EPHB1: variants seen among roughly 807,000 people sequenced by gnomAD.
EPHB1 encodes ephrin type-B receptor 1.
A neutral mutation model predicts 94.4 loss-of-function variants in EPHB1; 30 were observed. The ratio of observed to expected loss-of-function variants is 0.32; its 90% CI spans 0.24 to 0.43. The LOEUF is 0.43. Ranked by LOEUF, EPHB1 falls within the 20% of genes least tolerant of loss-of-function variation. The probability of loss-of-function intolerance (pLI) is 1.00; values close to 1 mark genes in which losing one functional copy is unlikely to be tolerated. For missense variants in EPHB1, 1,055 were observed against 1,308.3 expected, an observed-to-expected ratio of 0.81 and a Z score of 2.99; for synonymous variants, 522 against 489.1, an observed-to-expected ratio of 1.07 and a Z score of -0.89.
chr3:135,069,801 C>T (rs1374588220), intron 3 of EPHB1, among the ~76,000 whole-genome samples: 1 of 151,886 alleles, frequency 6.6e-6, no homozygotes, highest in Non-Finnish European at 1.5e-5. Flanking sequence ...TTGATGATCA[C>T]TTGAGTCCCA....
intron 3 of EPHB1, among the ~76,000 whole-genome samples, chr3:135,006,023 C>G (rs1935397213): frequency 6.6e-6 from 1 of 152,250 alleles, no homozygotes; most frequent in South Asian, 2.1e-4. Context: ...ATTTCTCCTG[C>G]TCACTCTTCT....
intron 1 of EPHB1, among the ~76,000 whole-genome samples, chr3:134,844,229 A>G (rs1273183452): frequency 6.6e-6 from 1 of 152,200 alleles, no homozygotes; most frequent in Non-Finnish European, 1.5e-5. Flanking sequence ...ATGATTAGAC[A>G]GAGGTTGTGT....
intron 9 of EPHB1, among the ~76,000 whole-genome samples, chr3:135,168,734 A>C (rs1941724391): frequency 6.6e-6 from 1 of 152,050 alleles, no homozygotes; most frequent in African/African-American, 2.4e-5. Flanking sequence ...CTTTTTCATC[A>C]TGAGCCACTG....
chr3:134,820,095 TA>T (rs1246238696), intron 1 of EPHB1, among the ~76,000 whole-genome samples: 1 of 151,380 alleles, frequency 6.6e-6, no homozygotes, highest in Admixed American at 6.6e-5. Context: ...CCCATACTAG[TA>T]GACCCTGTTG....
intron 1 of EPHB1, among the ~76,000 whole-genome samples, chr3:134,921,234 A>T (rs1578198735): frequency 6.6e-6 from 1 of 151,368 alleles, no homozygotes. Flanking sequence ...TGCCCCTCCC[A>T]CTGTTGCTTT....
chr3:135,114,722 C>CAGAT (rs1180111188), intron 4 of EPHB1, among the ~76,000 whole-genome samples: 871 of 63,204 alleles, frequency 0.014, 11 homozygotes, highest in African/African-American at 0.032. Context: ...GACTCTGTCT[C>CAGAT]AGATAGATAA....
chr3:135,017,326 T>G (rs532712252), intron 3 of EPHB1, among the ~76,000 whole-genome samples: 4 of 152,274 alleles, frequency 2.6e-5, no homozygotes, highest in Admixed American at 6.5e-5. Context: ...AAAAGAGAGA[T>G]TTTCCCAGAG....
chr3:134,926,604 A>G (rs2038796476), intron 2 of EPHB1, among the ~76,000 whole-genome samples: 1 of 152,170 alleles, frequency 6.6e-6, no homozygotes, highest in Admixed American at 6.5e-5. Context: ...AAGAGGGAAG[A>G]GTCTGTGTGT....
intron 2 of EPHB1, 138 bp downstream of exon 2, chr3:134,926,018 C>A (rs2038784955): frequency 1.4e-6 from 1 of 699,296 alleles, no homozygotes; most frequent in Non-Finnish European, 2.3e-6. Context: ...CACTGCCCAT[C>A]CATGCAAAGA....
At chr3:134,855,236 A>G (rs1326298181) in intron 1 of EPHB1, among the ~76,000 whole-genome samples, 1 of 152,264 alleles carries the variant, frequency 6.6e-6, no homozygotes, top group East Asian at 1.9e-4. Context: ...AAGATTTAAG[A>G]CAGAGACTTC....
At chr3:134,868,872 G>T (rs1180300153) in intron 1 of EPHB1, among the ~76,000 whole-genome samples, 1 of 152,248 alleles carries the variant, frequency 6.6e-6, no homozygotes, top group Non-Finnish European at 1.5e-5. Flanking sequence ...AGTGGGCCTT[G>T]CTGTCGTGCT....
intron 1 of EPHB1, among the ~76,000 whole-genome samples, chr3:134,880,111 G>C (rs1421298745): frequency 6.6e-6 from 1 of 152,136 alleles, no homozygotes; most frequent in Admixed American, 6.5e-5. Flanking sequence ...GAACCCTCTG[G>C]GAAGAAGCAC....
chr3:134,980,574 C>G (rs555624555), intron 3 of EPHB1, among the ~76,000 whole-genome samples: 1 of 152,264 alleles, frequency 6.6e-6, no homozygotes, highest in Non-Finnish European at 1.5e-5. Context: ...AGTAAACGAG[C>G]AAGATAATCT....
intron 1 of EPHB1, among the ~76,000 whole-genome samples, chr3:134,862,509 A>G (rs1304004578): frequency 6.6e-6 from 1 of 152,026 alleles, no homozygotes; most frequent in East Asian, 1.9e-4. Context: ...CAAAAAAAAA[A>G]AAAAGAAAAA....
At chr3:135,219,001 G>A (rs1227317304) in intron 12 of EPHB1, among the ~76,000 whole-genome samples, 3 of 152,202 alleles carry the variant, frequency 2.0e-5, no homozygotes, top group Admixed American at 6.5e-5. Flanking sequence ...AGGACAGAGT[G>A]TGGAGGAGAG....
At chr3:135,029,344 T>C (rs1936326029) in intron 3 of EPHB1, among the ~76,000 whole-genome samples, 2 of 152,138 alleles carry the variant, frequency 1.3e-5, no homozygotes, top group South Asian at 4.2e-4. Flanking sequence ...TTTGGCATGA[T>C]TTTGCAGCAG....
At chr3:134,988,235 C>T (rs1048810091) in intron 3 of EPHB1, among the ~76,000 whole-genome samples, 8 of 152,144 alleles carry the variant, frequency 5.3e-5, no homozygotes, top group African/African-American at 1.9e-4. Context: ...ACTGCCAGGC[C>T]AGAGGGGCTG....
At chr3:134,891,341 C>CTTG (rs1484029062) in intron 1 of EPHB1, among the ~76,000 whole-genome samples, 1 of 152,174 alleles carries the variant, frequency 6.6e-6, no homozygotes, top group Non-Finnish European at 1.5e-5. Flanking sequence ...AACTCCTGAG[C>CTTG]TCAAGTGATC....
chr3:135,199,932 A>G (rs947658696), intron 11 of EPHB1, among the ~76,000 whole-genome samples: 1 of 152,234 alleles, frequency 6.6e-6, no homozygotes, highest in African/African-American at 2.4e-5. Context: ...TAGATGCTCA[A>G]TGATGGGAGC....
Sources: allele counts gnomAD v4.1 joint callset (sites outside exome capture counted in the v4.1 genomes callset), GRCh38; gene constraint gnomAD v4.1.1; transcripts MANE v1.5; gene names NCBI Gene and HGNC (gene_info 2026-07-23, HGNC 2026-07-21).